Variants in BRAF observed in about 807,000 individuals in gnomAD.
BRAF encodes the protein serine/threonine-protein kinase B-raf.
BRAF carries 16 observed loss-of-function variants against 104.6 expected under a neutral mutation model. The observed-to-expected ratio is 0.15, with a 90% CI of 0.10 to 0.23. The LOEUF is 0.23. Among genes scored for constraint, BRAF ranks in the 10% least tolerant of loss-of-function variants. The probability of loss-of-function intolerance (pLI) is 1.00; values close to 1 mark genes in which losing one functional copy is unlikely to be tolerated. For missense variants in BRAF, 541 were observed against 937.3 expected, an observed-to-expected ratio of 0.58 and a Z score of 5.52; for synonymous variants, 310 against 341.6, an observed-to-expected ratio of 0.91 and a Z score of 1.02.
intron 2 of BRAF, among the ~76,000 whole-genome samples, chr7:140,844,729 T>C (rs1180277293): frequency 6.6e-6 from 1 of 152,058 alleles, no homozygotes; most frequent in African/African-American, 2.4e-5. Context: ...AGTTCGAGAT[T>C]GGCCTGGTCA....
In BRAF at chr7:140,776,989, G is replaced by A. The variant is rs371497168; in HGVS notation, c.1737C>T (p.His579=). The part of the protein sequence containing the change: ...TQWCEGSSLY[H]HLHIIETKFE... ...ATTTGGTCTCAATGATATGGAGATG[G>A]TGATACAAGCTGGAGCCCTCACACC... The change falls in exon 14 of 20, where the codon CAC becomes CAT. Residue 579 remains histidine (H), a synonymous_variant. Coordinates refer to ENST00000644969, the MANE Select transcript of BRAF (RefSeq NM_001374258.1). The A allele has an allele frequency of 3.7e-6, 6 of 1,613,718 alleles. No individual in the cohort carries two copies. The highest frequency in any genetic ancestry group is 5.1e-6 in the Non-Finnish European group (6 of 1,179,700).
Position 140,834,595 on chromosome 7 carries a change from T to C in BRAF, c.504+14A>G, listed in dbSNP as rs1562985307. On this transcript the variant is annotated intron_variant, in intron 3 of 19. Coordinates refer to ENST00000644969, the MANE Select transcript of BRAF (RefSeq NM_001374258.1). ...CAAAGAAACAGCAAAATGGTGATAT[T>C]AAAACTGACTCACCACTGTCCTCTG... 1 of 1,614,012 alleles carries C rather than the reference T, an allele frequency of 6.2e-7. No homozygotes were observed. Among genetic ancestry groups the C allele is most frequent in the East Asian group, 2.2e-5 (1 of 44,884 alleles).
intron 1 of BRAF, among the ~76,000 whole-genome samples, chr7:140,861,069 T>C (rs562197010): frequency 5.6e-4 from 85 of 152,352 alleles, no homozygotes; most frequent in Non-Finnish European, 1.0e-3. Flanking sequence ...TTTCAGGATA[T>C]ATACAACTTT....
At chr7:140,899,715 A>G (rs942476650) in intron 1 of BRAF, among the ~76,000 whole-genome samples, 4 of 151,936 alleles carry the variant, frequency 2.6e-5, no homozygotes, top group African/African-American at 9.7e-5. Context: ...TTAGAAATCT[A>G]TAGGAATTTT....
intron 1 of BRAF, among the ~76,000 whole-genome samples, chr7:140,864,144 T>C (rs1347070769): frequency 2.0e-5 from 3 of 152,164 alleles, no homozygotes; most frequent in African/African-American, 7.2e-5. Flanking sequence ...TAGTTGAAAC[T>C]ATGATTGTGT....
intron 1 of BRAF, among the ~76,000 whole-genome samples, chr7:140,895,338 T>G (rs1814758797): frequency 6.6e-6 from 1 of 152,194 alleles, no homozygotes; most frequent in South Asian, 2.1e-4. Context: ...TTCTTAAACT[T>G]CATATAGGGT....
At chr7:140,788,073 C>T (rs1421394555) in intron 8 of BRAF, among the ~76,000 whole-genome samples, 1 of 152,106 alleles carries the variant, frequency 6.6e-6, no homozygotes, top group African/African-American at 2.4e-5. Context: ...ATCTGTGTGG[C>T]AAACCGCTGT....
chr7:140,802,892 G>A (rs528677155), intron 5 of BRAF, among the ~76,000 whole-genome samples: 125 of 152,158 alleles, frequency 8.2e-4, no homozygotes, highest in African/African-American at 2.9e-3. Context: ...AATGTCCTAC[G>A]CCTTCACATT....
intron 3 of BRAF, among the ~76,000 whole-genome samples, chr7:140,814,669 A>T (rs1804629141): frequency 1.4e-5 from 2 of 147,922 alleles, no homozygotes; most frequent in South Asian, 2.1e-4. Context: ...CATCTCAAAA[A>T]ATATATATAT....
At chr7:140,831,230 A>G (rs1368220845) in intron 3 of BRAF, among the ~76,000 whole-genome samples, 2 of 152,236 alleles carry the variant, frequency 1.3e-5, no homozygotes, top group Non-Finnish European at 2.9e-5. Context: ...CCACACATCT[A>G]GTCACAAAAA....
intron 3 of BRAF, among the ~76,000 whole-genome samples, chr7:140,826,029 C>G (rs530995592): frequency 2.6e-4 from 39 of 152,246 alleles, no homozygotes; most frequent in African/African-American, 9.4e-4. Context: ...AATGCTCATT[C>G]CATTTTTCAT....
At chr7:140,909,839 C>CAAA (rs1176505298) in intron 1 of BRAF, among the ~76,000 whole-genome samples, 2 of 147,494 alleles carry the variant, frequency 1.4e-5, no homozygotes, top group African/African-American at 2.6e-5. Context: ...ACAACAACAA[C>CAAA]AACAACAAAA....
chr7:140,920,720 T>C (rs1818122216), intron 1 of BRAF, among the ~76,000 whole-genome samples: 1 of 152,194 alleles, frequency 6.6e-6, no homozygotes, highest in Non-Finnish European at 1.5e-5. Flanking sequence ...ACAGATAATA[T>C]TCTAAACAGA....
At chr7:140,811,050 T>C (rs944164390) in intron 3 of BRAF, among the ~76,000 whole-genome samples, 28 of 152,144 alleles carry the variant, frequency 1.8e-4, no homozygotes, top group Non-Finnish European at 2.1e-4. Context: ...AGTACATGTG[T>C]TAGGCCAGCT....
chr7:140,796,802 A>G (rs1468330701), intron 7 of BRAF, among the ~76,000 whole-genome samples: 1 of 152,210 alleles, frequency 6.6e-6, no homozygotes, highest in Non-Finnish European at 1.5e-5. Context: ...TGCTTAACGA[A>G]AACAGTCTTC....
At chr7:140,775,565 C>G (rs1212877690) in intron 14 of BRAF, among the ~76,000 whole-genome samples, 1 of 150,924 alleles carries the variant, frequency 6.6e-6, no homozygotes, top group Non-Finnish European at 1.5e-5. Flanking sequence ...TCTTGAACTC[C>G]CGACCTCAGG....
chr7:140,800,827 G>A (rs1803025097), intron 6 of BRAF, among the ~76,000 whole-genome samples: 2 of 152,094 alleles, frequency 1.3e-5, no homozygotes, highest in African/African-American at 4.8e-5. Flanking sequence ...TATTTGCTCA[G>A]GTGATCAAGA....
chr7:140,803,330 G>A (rs1803320842), intron 5 of BRAF, among the ~76,000 whole-genome samples: 1 of 152,074 alleles, frequency 6.6e-6, no homozygotes, highest in Non-Finnish European at 1.5e-5. Flanking sequence ...ATTGGGGGTG[G>A]GAGGGAGAGA....
At chr7:140,875,525 G>A (rs539807612) in intron 1 of BRAF, among the ~76,000 whole-genome samples, 2 of 152,254 alleles carry the variant, frequency 1.3e-5, no homozygotes, top group Non-Finnish European at 2.9e-5. Context: ...ATAGGTGCCC[G>A]CGAACACGCC....
Sources: gnomAD v4.1 joint callset for allele counts (sites outside exome capture counted in the v4.1 genomes callset) on GRCh38, gnomAD v4.1.1 for gene constraint, MANE v1.5 for transcripts, NCBI Gene and HGNC (gene_info 2026-07-23, HGNC 2026-07-21) for gene names.